PPP2R5E: variants seen among roughly 807,000 people sequenced by gnomAD.
PPP2R5E encodes protein phosphatase 2 regulatory subunit B'epsilon.
A neutral mutation model predicts 65.3 loss-of-function variants in PPP2R5E; 4 were observed. The observed-to-expected ratio is 0.06, with a 90% CI of 0.03 to 0.14. The LOEUF (loss-of-function observed/expected upper bound fraction) is 0.14. Among genes scored for constraint, PPP2R5E ranks in the 10% least tolerant of loss-of-function variants. The probability of loss-of-function intolerance (pLI) is 1.00; values close to 1 mark genes in which losing one functional copy is unlikely to be tolerated. For synonymous variants in PPP2R5E, 183 were observed against 187.4 expected (o/e 0.98, Z 0.19); for missense variants, 274 against 556.1 (o/e 0.49, Z 5.10).
At chr14:63,475,785 T>A (rs1890382095) in intron 2 of PPP2R5E, among the ~76,000 whole-genome samples, 1 of 139,460 alleles carries the variant, frequency 7.2e-6, no homozygotes, top group South Asian at 2.2e-4. Context: ...CATAAGATAG[T>A]TTTTTTAAAT....
At chr14:63,421,009 C>CAGT (rs1251267390) in intron 4 of PPP2R5E, among the ~76,000 whole-genome samples, 1 of 92,880 alleles carries the variant, frequency 1.1e-5, no homozygotes, top group African/African-American at 6.4e-5. Flanking sequence ...GCCGAGATCC[C>CAGT]GCCACTGCAC....
At chr14:63,509,639 T>C (rs1892371817) in intron 2 of PPP2R5E, among the ~76,000 whole-genome samples, 1 of 152,194 alleles carries the variant, frequency 6.6e-6, no homozygotes. Flanking sequence ...CTCCTACTCA[T>C]TCTCATCTCA....
At chr14:63,466,225 G>A (rs1889786193) in intron 2 of PPP2R5E, among the ~76,000 whole-genome samples, 1 of 144,272 alleles carries the variant, frequency 6.9e-6, no homozygotes. Context: ...ATAATTTATA[G>A]TTGATCAAAG....
At chr14:63,519,382 G>A (rs148461782) in intron 2 of PPP2R5E, among the ~76,000 whole-genome samples, 3 of 151,214 alleles carry the variant, frequency 2.0e-5, no homozygotes, top group Admixed American at 1.3e-4. Context: ...ACAGAGTCTT[G>A]TTCTGTCACC....
rs558434535 is a variant in PPP2R5E at position 63,516,611 on chromosome 14, G to A, written c.157+22918C>T. ...TAATAGCGATTTCCTATCTGTCCAC[G>A]TATCATCAACGTATTTCCTACATTT... On this transcript the variant is annotated intron_variant, in intron 2 of 13. Transcript: ENST00000337537. 3.3e-5 allele frequency among the ~76,000 whole-genome samples: 5 copies of A among 152,150 alleles called. No individual in the cohort carries two copies. The South Asian group carries it at 8.3e-4, about 25-fold the overall frequency.
intron 4 of PPP2R5E, among the ~76,000 whole-genome samples, chr14:63,416,815 T>C (rs1048052763): frequency 6.6e-5 from 10 of 152,166 alleles, no homozygotes; most frequent in African/African-American, 2.4e-4. Context: ...TAAGACAGAT[T>C]TTCATCTGCT....
In PPP2R5E at chr14:63,375,340, T is replaced by G. The variant is rs983923116; in HGVS notation, c.*669A>C. On this transcript the variant is annotated 3_prime_UTR_variant, in exon 14 of 14. Transcript: ENST00000337537. ...ATCCGATATTCCCTTCCCTACTATG[T>G]TTATCACCTCTTCTCTCTTAACTCC... 6.6e-6 allele frequency: 1 copy of G among 152,596 alleles called. No homozygotes were observed. Among genetic ancestry groups the G allele is most frequent in the Admixed American group, 6.5e-5 (1 of 15,276 alleles). 9.5% of individuals were successfully genotyped at this position (152,596 alleles called of 1,614,324 possible).
intron 2 of PPP2R5E, among the ~76,000 whole-genome samples, chr14:63,534,314 G>A (rs1426518284): frequency 6.6e-6 from 1 of 151,956 alleles, no homozygotes; most frequent in Non-Finnish European, 1.5e-5. Context: ...TTAAGACAGA[G>A]TTTATAGTGG....
Position 63,539,596 on chromosome 14 carries a change from C to G in PPP2R5E, c.90G>C (p.Ser30=), listed in dbSNP as rs548702302. The change falls in exon 2 of 14, where the codon TCG becomes TCC. Residue 30 remains serine (S), a synonymous_variant. Transcript: ENST00000337537. ...GAGACCTAAACTGTGAGGAACTTTG[C>G]GACCTCTTCTGTCTGGCTTTTCTGA... ...KSVRKARQKR[S]QSSSQFRSQG... is the part of the protein sequence containing the mutation. The G allele has an allele frequency of 6.2e-7, 1 of 1,614,014 alleles. No homozygotes were observed. Among genetic ancestry groups the G allele is most frequent in the East Asian group, 2.2e-5 (1 of 44,876 alleles).
At chr14:63,421,180 C>T (rs2139883824) in intron 4 of PPP2R5E, among the ~76,000 whole-genome samples, 1 of 151,904 alleles carries the variant, frequency 6.6e-6, no homozygotes, top group African/African-American at 2.4e-5. Flanking sequence ...TTTTCTTCCA[C>T]CCCTTCCCCC....
intron 2 of PPP2R5E, among the ~76,000 whole-genome samples, chr14:63,522,988 C>A (rs2139733607): frequency 6.7e-6 from 1 of 148,776 alleles, no homozygotes; most frequent in African/African-American, 2.5e-5. Flanking sequence ...CGGCCAGCCG[C>A]CCCGTCCGGG....
intron 13 of PPP2R5E, among the ~76,000 whole-genome samples, chr14:63,380,960 A>G (rs1206942790): frequency 6.6e-6 from 1 of 152,210 alleles, no homozygotes; most frequent in Non-Finnish European, 1.5e-5. Flanking sequence ...CAAGGGAACC[A>G]GAGAGGTTCA....
chr14:63,447,291 C>T (rs1031510442), intron 3 of PPP2R5E, among the ~76,000 whole-genome samples: 5 of 152,220 alleles, frequency 3.3e-5, no homozygotes, highest in African/African-American at 4.8e-5. Context: ...GGTGTAGCCA[C>T]CTTCATCAAT....
chr14:63,485,027 T>A (rs1421258945), intron 2 of PPP2R5E, among the ~76,000 whole-genome samples: 1 of 152,112 alleles, frequency 6.6e-6, no homozygotes, highest in Non-Finnish European at 1.5e-5. Flanking sequence ...AATAAACACC[T>A]CTGAAGCAAT....
chr14:63,438,928 T>C (rs1262753306), intron 3 of PPP2R5E, among the ~76,000 whole-genome samples: 5 of 151,888 alleles, frequency 3.3e-5, no homozygotes, highest in African/African-American at 9.7e-5. Context: ...GGGCAGTATA[T>C]ATATAAATGT....
Position 63,457,504 on chromosome 14 carries a change from G to A in PPP2R5E, c.158-3619C>T, listed in dbSNP as rs1464002677. Among the ~76,000 whole-genome samples the A allele has an allele frequency of 3.3e-5, 5 of 152,134 alleles. No individual in the cohort carries two copies. In the East Asian group the frequency reaches 9.7e-4, roughly 29 times the overall value. On this transcript the variant is annotated intron_variant, in intron 2 of 13. Transcript: ENST00000337537. ...GAAATCTAAAAACTTCAGAAGTCAA[G>A]ACTGAAGAAAAAAACAAATTACAGT...
At chr14:63,497,115 C>T (rs1035828361) in intron 2 of PPP2R5E, among the ~76,000 whole-genome samples, 1 of 152,092 alleles carries the variant, frequency 6.6e-6, no homozygotes, top group African/African-American at 2.4e-5. Context: ...TTAAGTTTTC[C>T]CATTTTCCCA....
intron 2 of PPP2R5E, among the ~76,000 whole-genome samples, chr14:63,493,629 A>G (rs1891398323): frequency 6.7e-6 from 1 of 148,916 alleles, no homozygotes; most frequent in South Asian, 2.1e-4. Context: ...CAGTGTGACA[A>G]ACTGTACTCA....
At chr14:63,524,448 T>C (rs576748805) in intron 2 of PPP2R5E, among the ~76,000 whole-genome samples, 3 of 152,292 alleles carry the variant, frequency 2.0e-5, no homozygotes, top group Non-Finnish European at 4.4e-5. Flanking sequence ...GCAGCATGAA[T>C]CTCGTTTTAC....
Sources: gnomAD v4.1 joint callset for allele counts (sites outside exome capture counted in the v4.1 genomes callset) on GRCh38, gnomAD v4.1.1 for gene constraint, MANE v1.5 for transcripts, NCBI Gene and HGNC (gene_info 2026-07-23, HGNC 2026-07-21) for gene names.